LGALS4: variants seen among roughly 807,000 people sequenced by gnomAD.
The protein encoded by LGALS4 is galectin 4.
LGALS4 carries 37 observed loss-of-function variants against 39.6 expected under a neutral mutation model. That is an observed-to-expected ratio of 0.93 (90% CI 0.72 to 1.23). The LOEUF (loss-of-function observed/expected upper bound fraction) is 1.23, where lower values mean the gene tolerates loss of function less well. Ranked by LOEUF, LGALS4 falls within the 50% of genes most tolerant of loss-of-function variation. LGALS4 has a pLI of 0.00. For synonymous variants in LGALS4, 160 were observed against 165.5 expected, an observed-to-expected ratio of 0.97 and a Z score of 0.25; for missense variants, 397 against 433.2, an observed-to-expected ratio of 0.92 and a Z score of 0.74.
In LGALS4 at chr19:38,808,770, A is replaced by G. The variant is rs1971454572; in HGVS notation, c.313T>C (p.Phe105Leu). ...FKKGAAFELV[F>L]IVLAEHYKVV... ...TTGTAGTGCTCAGCCAGGACTATGA[A>G]GACCAGCTCAAAGGCGGCACCCTTT... The change falls in exon 3 of 10, where the codon TTC becomes CTC. Residue 105 changes from phenylalanine (F) to leucine (L), a missense_variant. Phe to Leu is a conservative substitution (Grantham distance 22). Coordinates refer to ENST00000307751, the MANE Select transcript of LGALS4 (RefSeq NM_006149.4). 5 of 1,614,064 alleles carry G rather than the reference A, an allele frequency of 3.1e-6. No individual in the cohort carries two copies. The highest frequency in any genetic ancestry group is 4.2e-6 in the Non-Finnish European group (5 of 1,180,038).
intron 2 of LGALS4, among the ~76,000 whole-genome samples, chr19:38,810,004 A>T (rs1034286290): frequency 6.6e-6 from 1 of 152,110 alleles, no homozygotes; most frequent in Non-Finnish European, 1.5e-5. Flanking sequence ...AGCATCCTTG[A>T]AATTACTCCC....
At chr19:38,812,595 C>A (rs753678967) in intron 1 of LGALS4, 76 bp from the exon 2 acceptor site, 71 of 1,379,732 alleles carry the variant, frequency 5.1e-5, no homozygotes, top group Non-Finnish European at 1.8e-5. Context: ...GAAAAGCCCC[C>A]CAGTCCCTTA....
intron 3 of LGALS4, among the ~76,000 whole-genome samples, chr19:38,808,006 A>G (rs1294772066): frequency 6.6e-6 from 1 of 152,150 alleles, no homozygotes; most frequent in Admixed American, 6.6e-5. Flanking sequence ...CCCTCTGCCT[A>G]GGAAAACCAG....
intron 6 of LGALS4, 33 bp downstream of exon 6, chr19:38,803,709 C>T (rs1568350109): frequency 1.2e-6 from 2 of 1,609,908 alleles, no homozygotes; most frequent in Non-Finnish European, 1.7e-6. Flanking sequence ...ATTCCCACTC[C>T]TCACCCGGGG....
At chr19:38,802,218 G>A (rs1599988748) in intron 8 of LGALS4, 61 bp from the exon 9 acceptor site, 1 of 1,600,348 alleles carries the variant, frequency 6.2e-7, no homozygotes, top group East Asian at 2.2e-5. Context: ...CCAGTGGGCT[G>A]GACCTCTGAA....
At chr19:38,807,553 G>A (rs918323968) in intron 3 of LGALS4, among the ~76,000 whole-genome samples, 7 of 151,714 alleles carry the variant, frequency 4.6e-5, no homozygotes, top group Middle Eastern at 3.2e-3. Context: ...GCCTCTGCCC[G>A]GCCGCCCCGT....
chr19:38,803,388 G>A (rs1389565252), intron 7 of LGALS4, 134 bp downstream of exon 7: 1 of 863,818 alleles, frequency 1.2e-6, no homozygotes, highest in Non-Finnish European at 1.9e-6. Flanking sequence ...CCCTAAACCT[G>A]ACCACGAACT....
chr19:38,802,269 T>C, intron 8 of LGALS4, 47 bp downstream of exon 8: 2 of 1,598,914 alleles, frequency 1.3e-6, no homozygotes, highest in Non-Finnish European at 1.7e-6. Context: ...GATTGTTGGG[T>C]CTGAGGGAGG....
chr19:38,804,547 C>T (rs1971399954), intron 4 of LGALS4, among the ~76,000 whole-genome samples: 1 of 152,150 alleles, frequency 6.6e-6, no homozygotes, highest in Non-Finnish European at 1.5e-5. Flanking sequence ...CCAAGTCTAA[C>T]ACCTTTAACT....
chr19:38,805,391 T>C (rs1387458497), intron 4 of LGALS4, among the ~76,000 whole-genome samples: 2 of 151,980 alleles, frequency 1.3e-5, no homozygotes, highest in Non-Finnish European at 2.9e-5. Flanking sequence ...AGTCAAGCCC[T>C]TCCTGTAGGC....
rs1389084783 is a variant in LGALS4 at position 38,808,761 on chromosome 19, GGACTATGAA to G, written c.313_321del (p.Phe105_Val107del). 1.9e-6 allele frequency: 3 copies of G among 1,614,028 alleles called. No homozygotes were observed. The Admixed American group carries it at 5.0e-5, about 27-fold the overall frequency. On this transcript the variant is annotated inframe_deletion, in exon 3 of 10. Coordinates refer to ENST00000307751, the MANE Select transcript of LGALS4 (RefSeq NM_006149.4). ...ATGCAGACCTTGTAGTGCTCAGCCA[GGACTATGAA>G]GACCAGCTCAAAGGCGGCACCCTTT...
At chr19:38,803,420 C>A in intron 7 of LGALS4, 102 bp downstream of exon 7, 1 of 1,202,172 alleles carries the variant, frequency 8.3e-7, no homozygotes, top group Non-Finnish European at 1.2e-6. Flanking sequence ...TCCCCTACCT[C>A]CCACCCCAAA....
intron 2 of LGALS4, among the ~76,000 whole-genome samples, chr19:38,809,786 A>C (rs1186573184): frequency 6.7e-6 from 1 of 149,844 alleles, no homozygotes; most frequent in Non-Finnish European, 1.5e-5. Flanking sequence ...TGCTGTACCC[A>C]GCCCACCTTG....
In LGALS4 at chr19:38,803,741, C is replaced by T. The variant is rs772561758; in HGVS notation, c.540+1G>A. On this transcript the variant is annotated splice_donor_variant, in intron 6 of 9. Coordinates refer to ENST00000307751, the MANE Select transcript of LGALS4 (RefSeq NM_006149.4). LOFTEE classifies it high-confidence loss of function. Reference sequence around the variant, plus strand: ...GGGGCCCTCCCAGCCCTCCCACTCACGGGCAGGCTGTTCAGCTGTTGATGG... The same window carrying T: ...GGGGCCCTCCCAGCCCTCCCACTCATGGGCAGGCTGTTCAGCTGTTGATGG... 35 of 1,613,102 alleles carry T rather than the reference C, an allele frequency of 2.2e-5. No individual in the cohort carries two copies. The highest frequency in any genetic ancestry group is 5.0e-5 in the Admixed American group (3 of 59,876).
intron 2 of LGALS4, among the ~76,000 whole-genome samples, chr19:38,812,149 G>A (rs111786510): frequency 6.0e-4 from 91 of 152,296 alleles, no homozygotes; most frequent in Non-Finnish European, 9.6e-4. Context: ...TCGGGGACCC[G>A]GCTCTGAGCC....
intron 4 of LGALS4, among the ~76,000 whole-genome samples, chr19:38,806,026 C>G (rs971148580): frequency 2.6e-5 from 4 of 152,002 alleles, no homozygotes; most frequent in African/African-American, 9.7e-5. Flanking sequence ...GAGCCAGAAT[C>G]ACACCACTGT....
Position 38,808,776 on chromosome 19 carries a change from G to C in LGALS4, c.307C>G (p.Leu103Val). ...TGCTCAGCCAGGACTATGAAGACCA[G>C]CTCAAAGGCGGCACCCTTTTTGAAG... Reference protein sequence around the residue: ...MPFKKGAAFELVFIVLAEHYK... With the variant: ...MPFKKGAAFEVVFIVLAEHYK... Residue 103 changes from leucine to valine, a missense_variant, in exon 3 of 10, where the codon CTG (leucine) becomes GTG (valine). By Grantham distance (32) the Leu-to-Val change is conservative (BLOSUM62 1). Coordinates refer to ENST00000307751, the MANE Select transcript of LGALS4 (RefSeq NM_006149.4). 2 of 1,614,182 alleles carry C rather than the reference G, an allele frequency of 1.2e-6. No homozygotes were observed. The highest frequency in any genetic ancestry group is 1.7e-6 in the Non-Finnish European group (2 of 1,180,022).
At position 38,803,569 on chromosome 19, in the gene LGALS4, A is replaced by C; in HGVS notation, c.541-18T>G. ...TCCATGGTCTGTGAAGTGAGGAAGA[A>C]GCGATATTATTCTCCAAGAGTCGAC... On this transcript the variant is annotated intron_variant, in intron 6 of 9. Transcript: ENST00000307751. 1 of 1,613,806 alleles carries C rather than the reference A, an allele frequency of 6.2e-7. No individual in the cohort carries two copies. Among genetic ancestry groups the C allele is most frequent in the Non-Finnish European group, 8.5e-7 (1 of 1,179,766 alleles).
At chr19:38,808,969 C>T (rs373862856) in intron 2 of LGALS4, 21 bp from the exon 3 acceptor site, 23 of 1,578,668 alleles carry the variant, frequency 1.5e-5, no homozygotes, top group African/African-American at 1.1e-4. Context: ...ACAAAGGGCT[C>T]ATTCCCCTGG....
Sources: gnomAD v4.1 joint callset for allele counts (sites outside exome capture counted in the v4.1 genomes callset) on GRCh38, gnomAD v4.1.1 for gene constraint, MANE v1.5 for transcripts, NCBI Gene and HGNC (gene_info 2026-07-23, HGNC 2026-07-21) for gene names.